The following MINDY3 variants were observed in gnomAD, a reference collection of about 807,000 sequenced individuals.
MINDY3 encodes the protein MINDY lysine 48 deubiquitinase 3.
Under a neutral mutation model 69.2 loss-of-function variants are expected in MINDY3, and 38 were observed. That is an observed-to-expected ratio of 0.55 (90% CI 0.42 to 0.72). The LOEUF is 0.72. Among genes scored for constraint, MINDY3 ranks in the 30% least tolerant of loss-of-function variants. MINDY3 has a pLI of 0.00. For synonymous variants in MINDY3, 192 were observed against 180.1 expected, an observed-to-expected ratio of 1.07 and a Z score of -0.53; for missense variants, 522 against 519.0, an observed-to-expected ratio of 1.01 and a Z score of -0.06.
chr10:15,808,687 TCA>T (rs890096759), intron 10 of MINDY3, among the ~76,000 whole-genome samples: 4 of 152,170 alleles, frequency 2.6e-5, no homozygotes, highest in African/African-American at 9.6e-5. Flanking sequence ...TCATGGATAT[TCA>T]CGTGTTCATG....
At chr10:15,842,409 A>T (rs1249431661) in intron 3 of MINDY3, among the ~76,000 whole-genome samples, 3 of 151,898 alleles carry the variant, frequency 2.0e-5, no homozygotes, top group African/African-American at 4.8e-5. Context: ...ATATAGTATA[A>T]GAAATAGTAT....
intron 6 of MINDY3, among the ~76,000 whole-genome samples, chr10:15,836,932 G>A (rs190999244): frequency 2.0e-3 from 308 of 151,896 alleles, no homozygotes; most frequent in Non-Finnish European, 3.0e-3. Flanking sequence ...AGTGCTACAC[G>A]GAAGGATCAA....
chr10:15,810,408 T>G (rs1251322759), intron 10 of MINDY3, among the ~76,000 whole-genome samples: 1 of 152,180 alleles, frequency 6.6e-6, no homozygotes, highest in Non-Finnish European at 1.5e-5. Context: ...CAAAGCTTAT[T>G]TGTAAATACT....
intron 11 of MINDY3, among the ~76,000 whole-genome samples, chr10:15,794,487 T>C (rs1837658922): frequency 6.6e-6 from 1 of 152,138 alleles, no homozygotes; most frequent in South Asian, 2.1e-4. Context: ...GCATACTTTC[T>C]AAGCTATCTG....
At chr10:15,806,004 C>T (rs1438432277) in intron 10 of MINDY3, among the ~76,000 whole-genome samples, 2 of 152,126 alleles carry the variant, frequency 1.3e-5, no homozygotes, top group Non-Finnish European at 2.9e-5. Flanking sequence ...GCCATCACCA[C>T]GTGCAGACAA....
At chr10:15,779,178 A>G (rs915444001) in intron 14 of MINDY3, 37 bp from the exon 15 acceptor site, 5 of 1,579,284 alleles carry the variant, frequency 3.2e-6, no homozygotes, top group Admixed American at 1.8e-5. Context: ...GTCAAGCAAC[A>G]GTCTTAGCAA....
intron 8 of MINDY3, among the ~76,000 whole-genome samples, chr10:15,829,250 C>T (rs1399649767): frequency 6.6e-6 from 1 of 152,136 alleles, no homozygotes; most frequent in African/African-American, 2.4e-5. Flanking sequence ...ATGGAATGAG[C>T]AGGATGACAT....
rs1003080544 is a variant in MINDY3, at chr10:15,834,582, G to A, written c.611C>T (p.Ala204Val). 5 of 1,611,490 alleles carry A rather than the reference G, an allele frequency of 3.1e-6. No individual in the cohort carries two copies. Among genetic ancestry groups the A allele is most frequent in the Non-Finnish European group, 4.2e-6 (5 of 1,178,496 alleles). ...IENIKNEIED[A>V]SEPLIDPVYG... Reference sequence around the variant, plus strand: ...TACAGGATCTATCAAGGGTTCACTTGCATCTTCAATTTCGTTTTTTATGTT... The same window carrying A: ...TACAGGATCTATCAAGGGTTCACTTACATCTTCAATTTCGTTTTTTATGTT... The change falls in exon 7 of 15, where the codon GCA becomes GTA. Residue 204 changes from alanine (A) to valine (V), a missense_variant. By Grantham distance (64) the Ala-to-Val change is moderately conservative. Coordinates refer to ENST00000277632, the MANE Select transcript of MINDY3 (RefSeq NM_024948.4).
chr10:15,815,657 T>C (rs1488394855), intron 10 of MINDY3, among the ~76,000 whole-genome samples: 1 of 152,172 alleles, frequency 6.6e-6, no homozygotes, highest in Admixed American at 6.5e-5. Flanking sequence ...GTTTCTTGAA[T>C]ACTAAAAATG....
Position 15,845,217 on chromosome 10 carries a change from T to G in MINDY3, c.175-1945A>C, listed in dbSNP as rs150905449. Among the ~76,000 whole-genome samples the G allele has an allele frequency of 3.7e-3, 564 of 151,342 alleles. 1 individual carries two copies. Among genetic ancestry groups the G allele is most frequent in the African/African-American group, 0.012 (500 of 41,478 alleles). On this transcript the variant is annotated intron_variant, in intron 2 of 14. Transcript: ENST00000277632. The stretch of plus-strand genomic sequence containing the variant: ...GCTAACAAGTCATATTGATGGGATT[T>G]ATGGAAGTTTATTTTATTTCACCAC...
chr10:15,807,354 C>T (rs966111139), intron 10 of MINDY3, among the ~76,000 whole-genome samples: 3 of 152,114 alleles, frequency 2.0e-5, no homozygotes, highest in South Asian at 2.1e-4. Flanking sequence ...GGAGAATCAG[C>T]GGACACAATA....
At chr10:15,857,160 C>T (rs1177151998) in intron 1 of MINDY3, among the ~76,000 whole-genome samples, 2 of 152,006 alleles carry the variant, frequency 1.3e-5, no homozygotes, top group Admixed American at 6.6e-5. Flanking sequence ...CTTTATTCCC[C>T]CTCCTGCCAC....
intron 10 of MINDY3, among the ~76,000 whole-genome samples, chr10:15,814,277 G>T (rs1325325813): frequency 6.6e-6 from 1 of 151,806 alleles, no homozygotes; most frequent in Non-Finnish European, 1.5e-5. Context: ...TCTTCACTGG[G>T]AACTCCTCTT....
chr10:15,830,398 G>C (rs1316404259), intron 8 of MINDY3, among the ~76,000 whole-genome samples: 1 of 152,190 alleles, frequency 6.6e-6, no homozygotes, highest in African/African-American at 2.4e-5. Context: ...ATGAGAAAGA[G>C]GCACTGAGTG....
intron 13 of MINDY3, among the ~76,000 whole-genome samples, chr10:15,783,191 G>A (rs1309318756): frequency 3.3e-5 from 5 of 152,172 alleles, no homozygotes; most frequent in Non-Finnish European, 7.3e-5. Flanking sequence ...TCCCAGTGCT[G>A]TTCAAGGACT....
At chr10:15,810,473 T>C (rs1040425140) in intron 10 of MINDY3, among the ~76,000 whole-genome samples, 2 of 152,162 alleles carry the variant, frequency 1.3e-5, no homozygotes, top group African/African-American at 2.4e-5. Flanking sequence ...TCAGGTAGGA[T>C]AGCAAAAGCT....
At chr10:15,810,505 T>C (rs377532693) in intron 10 of MINDY3, among the ~76,000 whole-genome samples, 5 of 152,316 alleles carry the variant, frequency 3.3e-5, no homozygotes, top group African/African-American at 1.2e-4. Context: ...TTGCCCTCCA[T>C]GTAAGATAGA....
In MINDY3 at chr10:15,860,201, G is replaced by T. The variant is rs375556134; in HGVS notation, c.94+5C>A. 4 of 1,601,296 alleles carry T rather than the reference G, an allele frequency of 2.5e-6. No individual in the cohort carries two copies. The highest frequency in any genetic ancestry group is 1.7e-4 in the Middle Eastern group (1 of 5,938). On this transcript the variant is annotated splice_donor_5th_base_variant and intron_variant, in intron 1 of 14. Coordinates refer to ENST00000277632, the MANE Select transcript of MINDY3 (RefSeq NM_024948.4). The stretch of plus-strand genomic sequence containing the variant: ...GCTGCAAGTGTGAGAGCCCCGCCAG[G>T]GTACCTTGCGTCCAGCGGCAGAAAA...
intron 13 of MINDY3, 129 bp from the exon 14 acceptor site, chr10:15,782,355 G>A (rs191126254): frequency 7.6e-6 from 5 of 653,854 alleles, no homozygotes; most frequent in Non-Finnish European, 1.3e-5. Context: ...GACAAAAGAA[G>A]GAACTTAGGT....
Sources: gnomAD v4.1 joint callset for allele counts (sites outside exome capture counted in the v4.1 genomes callset) on GRCh38, gnomAD v4.1.1 for gene constraint, MANE v1.5 for transcripts, NCBI Gene and HGNC (gene_info 2026-07-23, HGNC 2026-07-21) for gene names.